The following HEPH variants were observed in gnomAD, a reference collection of about 807,000 sequenced individuals.
The protein encoded by HEPH is hephaestin.
HEPH carries 69 observed loss-of-function variants against 80.8 expected under a neutral mutation model. That is an observed-to-expected ratio of 0.85 (90% CI 0.70 to 1.04). The LOEUF is 1.04. HEPH is among the 50% of genes least tolerant of loss of function. HEPH has a pLI of 0.00. For synonymous variants in HEPH, 431 were observed against 322.8 expected (o/e 1.34, Z -3.60); for missense variants, 1,115 against 891.3 (o/e 1.25, Z -3.20).
At chrX:66,222,436 G>T (rs149062526) in intron 15 of HEPH, among the ~76,000 whole-genome samples, 7,544 of 112,327 alleles carry the variant, frequency 0.067, 598 homozygotes, top group African/African-American at 0.23. Flanking sequence ...TTTTTTTAAC[G>T]TGTGGATGGA....
intron 20 of HEPH, among the ~76,000 whole-genome samples, chrX:66,266,060 C>T (rs1261067706): frequency 9.0e-6 from 1 of 111,605 alleles, no homozygotes; most frequent in African/African-American, 3.3e-5. Flanking sequence ...AGTCAAATTT[C>T]TTTCTGAAGT....
chrX:66,199,106 C>A, intron 11 of HEPH, 78 bp downstream of exon 11: 1 of 971,073 alleles, frequency 1.0e-6, no homozygotes, highest in Non-Finnish European at 1.4e-6. Flanking sequence ...CATGACCAAT[C>A]CTGAAAACAC....
chrX:66,176,265 G>T (rs1359391710), intron 4 of HEPH, among the ~76,000 whole-genome samples: 1 of 111,820 alleles, frequency 8.9e-6, no homozygotes, highest in East Asian at 2.8e-4. Flanking sequence ...TGCATCTATT[G>T]TGATGATCAT....
chrX:66,167,994 T>A (rs1469507372), intron 1 of HEPH, among the ~76,000 whole-genome samples: 2 of 111,955 alleles, frequency 1.8e-5, no homozygotes, highest in Non-Finnish European at 3.8e-5. Context: ...TCCATCGCCA[T>A]GTCGTAATAG....
chrX:66,218,119 G>A (rs935560248), intron 15 of HEPH, among the ~76,000 whole-genome samples: 4 of 111,256 alleles, frequency 3.6e-5, no homozygotes, highest in Non-Finnish European at 7.5e-5. Context: ...GCACTAGATA[G>A]GTCATCAAGA....
intron 4 of HEPH, among the ~76,000 whole-genome samples, chrX:66,177,347 T>A (rs2086856039): frequency 8.9e-6 from 1 of 112,017 alleles, no homozygotes; most frequent in Non-Finnish European, 1.9e-5. Flanking sequence ...TGAATCCATC[T>A]AGTCCTGACT....
chrX:66,208,182 C>T lies in HEPH; in HGVS notation c.2499C>T (p.Pro833=), dbSNP rs937528894. The change falls in exon 15 of 21, where the codon CCC becomes CCT. Residue 833 remains proline (P), a synonymous_variant. Transcript: ENST00000343002. ...TATTCAAGAATAATGCCAGCCGCCC[C>T]TACTCTGTGCATGCTCATGGAGTGC... The part of the protein sequence containing the change: ...TVVFKNNASR[P]YSVHAHGVLE... 4 of 1,205,380 alleles carry T rather than the reference C, an allele frequency of 3.3e-6. No individual in the cohort carries two copies. Among genetic ancestry groups the T allele is most frequent in the Admixed American group, 4.4e-5 (2 of 45,595 alleles).
chrX:66,195,239 C>A lies in HEPH; in HGVS notation c.1501+10C>A, dbSNP rs375707798. 1.5e-5 allele frequency: 17 copies of A among 1,152,340 alleles called. No individual in the cohort carries two copies. The highest frequency in any genetic ancestry group is 2.0e-5 in the Non-Finnish European group (17 of 865,353). The allele number at this position is 1,152,340 out of a possible 1,213,427, so 95.0% of individuals were successfully genotyped here. On this transcript the variant is annotated intron_variant, in intron 9 of 20. Transcript: ENST00000343002. Reference sequence around the variant, plus strand: ...ACTGTGTACAATGATGGTGAGCCAACAGGGTTTCTAGTAAATGTGGGCTCT... The same window carrying A: ...ACTGTGTACAATGATGGTGAGCCAAAAGGGTTTCTAGTAAATGTGGGCTCT...
At chrX:66,268,240 T>C (rs2091582522), downstream of HEPH, 1 of 112,247 alleles carries the variant, frequency 8.9e-6, no homozygotes, top group Admixed American at 9.4e-5. Context: ...TGATTCCAAC[T>C]TTTCTGTCTG....
At chrX:66,229,925 C>G (rs1344731818) in intron 15 of HEPH, among the ~76,000 whole-genome samples, 1 of 73,436 alleles carries the variant, frequency 1.4e-5, no homozygotes, top group Non-Finnish European at 2.5e-5. Flanking sequence ...TCCCTCCCCC[C>G]TCCCCCCACC....
chrX:66,173,708 C>G lies in HEPH; in HGVS notation c.532C>G (p.Pro178Ala). The change falls in exon 4 of 21, where the codon CCA becomes GCA. Residue 178 changes from proline to alanine, a missense_variant. By Grantham distance (27) the Pro-to-Ala change is conservative (BLOSUM62 -1). Transcript: ENST00000343002. ...AGGCCATGCACCCACCGATGCTGAC[C>G]CAGCGTGCCTCACCTGGATCTACCA... ...PEGHAPTDAD[P>A]ACLTWIYHSH... is the part of the protein sequence containing the mutation. 8.3e-7 allele frequency: 1 copy of G among 1,209,947 alleles called. No individual in the cohort carries two copies. The highest frequency in any genetic ancestry group is 1.1e-6 in the Non-Finnish European group (1 of 894,543).
chrX:66,171,561 T>C (rs1364941608), intron 2 of HEPH, among the ~76,000 whole-genome samples: 1 of 111,659 alleles, frequency 9.0e-6, no homozygotes, highest in Non-Finnish European at 1.9e-5. Flanking sequence ...AGCTTTGGAG[T>C]TTTCCAAAGT....
chrX:66,203,118 C>T (rs965955967), intron 12 of HEPH, among the ~76,000 whole-genome samples: 5 of 109,758 alleles, frequency 4.6e-5, no homozygotes, highest in South Asian at 4.0e-4. Flanking sequence ...GTTATTCTAG[C>T]GGCAGAGTTT....
In HEPH at chrX:66,164,360, G is replaced by A; in HGVS notation, c.-124G>A. 1 of 754,049 alleles carries A rather than the reference G, an allele frequency of 1.3e-6. No individual in the cohort carries two copies. The highest frequency in any genetic ancestry group is 6.8e-5 in the South Asian group (1 of 14,794). The allele number at this position is 754,049 out of a possible 1,213,427, so 62.1% of individuals were successfully genotyped here. ...ATCCTGGACTTAATTTAGGAGAAAG[G>A]CCCTGTAACCAAGATACTGACTGAA... On this transcript the variant is annotated 5_prime_UTR_variant, in exon 1 of 21. Coordinates refer to ENST00000343002, the MANE Select transcript of HEPH (RefSeq NM_001367233.3).
At chrX:66,190,560 T>A (rs944130602) in intron 6 of HEPH, among the ~76,000 whole-genome samples, 2 of 112,030 alleles carry the variant, frequency 1.8e-5, no homozygotes, top group Non-Finnish European at 3.8e-5. Flanking sequence ...TATATGACTT[T>A]AGACAGGTGT....
At chrX:66,190,230 T>C (rs2087718821) in intron 6 of HEPH, among the ~76,000 whole-genome samples, 1 of 110,367 alleles carries the variant, frequency 9.1e-6, no homozygotes, top group African/African-American at 3.3e-5. Flanking sequence ...TATTATTTGC[T>C]TAGAATTCTA....
chrX:66,231,761 C>G (rs1410471106), intron 15 of HEPH, among the ~76,000 whole-genome samples: 1 of 106,794 alleles, frequency 9.4e-6, no homozygotes, highest in African/African-American at 3.4e-5. Flanking sequence ...TAATTGAATA[C>G]CCTTTATTTC....
chrX:66,177,284 T>C (rs2086852895), intron 4 of HEPH, among the ~76,000 whole-genome samples: 1 of 111,994 alleles, frequency 8.9e-6, no homozygotes, highest in African/African-American at 3.2e-5. Flanking sequence ...TGTGAAATAG[T>C]GTCAAAAGGA....
chrX:66,210,236 A>G (rs1014369617), intron 15 of HEPH, among the ~76,000 whole-genome samples: 4 of 112,316 alleles, frequency 3.6e-5, no homozygotes. Flanking sequence ...GAGTTCAAAT[A>G]AAATAAGAGC....
Sources: allele counts gnomAD v4.1 joint callset (sites outside exome capture counted in the v4.1 genomes callset), GRCh38; gene constraint gnomAD v4.1.1; transcripts MANE v1.5; gene names NCBI Gene and HGNC (gene_info 2026-07-23, HGNC 2026-07-21).